Variants in TGFBR1 observed in about 807,000 individuals in gnomAD.
The protein encoded by TGFBR1 is transforming growth factor beta receptor 1, also known as TGF-beta receptor type-1.
TGFBR1 carries 20 observed loss-of-function variants against 55.1 expected under a neutral mutation model. The ratio of observed to expected loss-of-function variants is 0.36; its 90% CI spans 0.26 to 0.53. The LOEUF is 0.53. TGFBR1 is among the 20% of genes least tolerant of loss of function. The pLI, the probability that TGFBR1 is intolerant of heterozygous loss-of-function variation, is 0.91. For synonymous variants in TGFBR1, 220 were observed against 214.8 expected (o/e 1.02, Z -0.21); for missense variants, 385 against 617.6 (o/e 0.62, Z 3.99).
intron 4 of TGFBR1, among the ~76,000 whole-genome samples, chr9:99,138,943 G>A (rs954769807): frequency 2.0e-5 from 3 of 151,892 alleles, no homozygotes; most frequent in East Asian, 1.9e-4. Context: ...GACTACAGGC[G>A]TGCACCACCA....
intron 1 of TGFBR1, among the ~76,000 whole-genome samples, chr9:99,105,929 C>T (rs1198883330): frequency 6.6e-6 from 1 of 152,230 alleles, no homozygotes; most frequent in Non-Finnish European, 1.5e-5. Flanking sequence ...GCCGACCCTG[C>T]TGGAAGGGGC....
In TGFBR1 at chr9:99,110,675, G is replaced by A. The variant is rs1377314206; in HGVS notation, c.97+5373G>A. On this transcript the variant is annotated intron_variant, in intron 1 of 8. Transcript: ENST00000374994. Reference sequence around the variant, plus strand: ...ACAGATGTAGACTAACAGTAGTTCAGCCACTGAGACTCAAATGATTTTGTA... The same window carrying A: ...ACAGATGTAGACTAACAGTAGTTCAACCACTGAGACTCAAATGATTTTGTA... Among the ~76,000 whole-genome samples, 13 of 152,188 alleles carry A rather than the reference G, an allele frequency of 8.5e-5. No homozygotes were observed. In the East Asian group the frequency reaches 2.5e-3, roughly 29 times the overall value.
chr9:99,104,009 C>T (rs11568742), upstream of TGFBR1: 228 of 152,318 alleles, frequency 1.5e-3, 1 homozygote, highest in African/African-American at 4.3e-3. Flanking sequence ...CTCTGTTCTA[C>T]GTAACAGCCT....
At chr9:99,127,873 A>AT (rs1323610300) in intron 1 of TGFBR1, 1 of 450,424 alleles carries the variant, frequency 2.2e-6, no homozygotes, top group Non-Finnish European at 4.5e-6. Flanking sequence ...TTCAACAAGT[A>AT]TTTTTTGAAT....
At chr9:99,120,773 G>C (rs567826731) in intron 1 of TGFBR1, among the ~76,000 whole-genome samples, 1 of 152,258 alleles carries the variant, frequency 6.6e-6, no homozygotes, top group Non-Finnish European at 1.5e-5. Context: ...TGGATTAAAA[G>C]ATACTTTTTA....
At chr9:99,119,889 G>T (rs146835154) in intron 1 of TGFBR1, among the ~76,000 whole-genome samples, 118 of 152,298 alleles carry the variant, frequency 7.7e-4, no homozygotes, top group African/African-American at 2.7e-3. Context: ...ATTGTGTTCT[G>T]TGTCAGTATT....
chr9:99,148,568 C>T (rs540223159), intron 8 of TGFBR1, among the ~76,000 whole-genome samples: 5 of 152,272 alleles, frequency 3.3e-5, no homozygotes, highest in East Asian at 3.9e-4. Context: ...TCAGCAGAAC[C>T]TCTGATAAGC....
chr9:99,134,995 T>C (rs1394980664), intron 3 of TGFBR1, among the ~76,000 whole-genome samples: 1 of 151,756 alleles, frequency 6.6e-6, no homozygotes, highest in Admixed American at 6.6e-5. Context: ...ATGCTTGAGT[T>C]ATTTCATCTT....
intron 6 of TGFBR1, 115 bp downstream of exon 6, chr9:99,145,003 C>A: frequency 1.7e-6 from 2 of 1,200,496 alleles, no homozygotes; most frequent in Non-Finnish European, 2.4e-6. Flanking sequence ...TATTAGATTG[C>A]CAACAGGTAA....
intron 7 of TGFBR1, among the ~76,000 whole-genome samples, chr9:99,147,353 T>C (rs1827827969): frequency 6.6e-6 from 1 of 152,234 alleles, no homozygotes; most frequent in South Asian, 2.1e-4. Context: ...TCTCATTTGC[T>C]GCACAATAGG....
Position 99,122,276 on chromosome 9 carries a change from G to T in TGFBR1, c.98-6579G>T, listed in dbSNP as rs563975428. Among the ~76,000 whole-genome samples, 3 of 152,114 alleles carry T rather than the reference G, an allele frequency of 2.0e-5. No individual in the cohort carries two copies. The South Asian group carries it at 6.2e-4, about 32-fold the overall frequency. Reference sequence around the variant, plus strand: ...ACTAAGCCTGGGAAGACAAGGTTTCGGTGCTAATTTTTATTTCTTTAACAA... The same window carrying T: ...ACTAAGCCTGGGAAGACAAGGTTTCTGTGCTAATTTTTATTTCTTTAACAA... On this transcript the variant is annotated intron_variant, in intron 1 of 8. Transcript: ENST00000374994.
chr9:99,107,212 C>T (rs748832110), intron 1 of TGFBR1, among the ~76,000 whole-genome samples: 3 of 152,184 alleles, frequency 2.0e-5, no homozygotes, highest in Non-Finnish European at 4.4e-5. Flanking sequence ...TGTCTGCCTC[C>T]CCTGTTGGTT....
intron 5 of TGFBR1, among the ~76,000 whole-genome samples, chr9:99,142,971 A>T (rs933895188): frequency 6.6e-6 from 1 of 152,074 alleles, no homozygotes; most frequent in Non-Finnish European, 1.5e-5. Context: ...AGGTAGGAGG[A>T]TTACCTGAGC....
At chr9:99,117,117 C>G (rs1226371958) in intron 1 of TGFBR1, among the ~76,000 whole-genome samples, 2 of 152,138 alleles carry the variant, frequency 1.3e-5, no homozygotes, top group Non-Finnish European at 2.9e-5. Flanking sequence ...GACGGAGTCT[C>G]ACTGTTGTCA....
At chr9:99,118,635 TTTTC>T (rs1421547253) in intron 1 of TGFBR1, among the ~76,000 whole-genome samples, 2 of 149,910 alleles carry the variant, frequency 1.3e-5, no homozygotes, top group Non-Finnish European at 3.0e-5. Context: ...TCCCTTACTG[TTTTC>T]TTTCTTTTTT....
chr9:99,122,192 A>G (rs1055207929), intron 1 of TGFBR1, among the ~76,000 whole-genome samples: 4 of 152,118 alleles, frequency 2.6e-5, no homozygotes, highest in African/African-American at 7.2e-5. Flanking sequence ...TTGAAAAAGG[A>G]AAGAGTATTC....
rs200274678 is a variant in TGFBR1 at position 99,152,104 on chromosome 9, C to T, written c.*2799C>T. On this transcript the variant is annotated 3_prime_UTR_variant, in exon 9 of 9. Coordinates refer to ENST00000374994, the MANE Select transcript of TGFBR1 (RefSeq NM_004612.4). ...GCTTGCTGGTCCCTGACGCAGAGAC[C>T]GTTGCCTCCCCCACAGCCGTTTGAC... is the stretch of plus-strand genomic sequence containing the variant. 45 of 207,912 alleles carry T rather than the reference C, an allele frequency of 2.2e-4. No homozygotes were observed. Among genetic ancestry groups the T allele is most frequent in the East Asian group, 7.2e-4 (10 of 13,922 alleles). The allele number at this position is 207,912 out of a possible 1,614,324, so 12.9% of individuals were successfully genotyped here.
chr9:99,148,643 C>T (rs1417474045), intron 8 of TGFBR1, among the ~76,000 whole-genome samples: 1 of 152,148 alleles, frequency 6.6e-6, no homozygotes, highest in African/African-American at 2.4e-5. Context: ...TGTATTTCAG[C>T]ATGCTTAAGG....
chr9:99,125,473 T>C (rs1025886950), intron 1 of TGFBR1, among the ~76,000 whole-genome samples: 1 of 152,244 alleles, frequency 6.6e-6, no homozygotes, highest in African/African-American at 2.4e-5. Context: ...GTACTACACA[T>C]GTAGGACCCA....
Sources: allele counts gnomAD v4.1 joint callset (sites outside exome capture counted in the v4.1 genomes callset), GRCh38; gene constraint gnomAD v4.1.1; transcripts MANE v1.5; gene names NCBI Gene and HGNC (gene_info 2026-07-23, HGNC 2026-07-21).